Variants in DENND2B observed in about 807,000 individuals in gnomAD.
DENND2B encodes the protein DENN domain-containing protein 2B.
A neutral mutation model predicts 116.0 loss-of-function variants in DENND2B; 32 were observed. The ratio of observed to expected loss-of-function variants is 0.28; its 90% CI spans 0.21 to 0.37. The LOEUF is 0.37. Among genes scored for constraint, DENND2B ranks in the 10% least tolerant of loss-of-function variants. The probability of loss-of-function intolerance (pLI) is 1.00; values close to 1 mark genes in which losing one functional copy is unlikely to be tolerated. For synonymous variants in DENND2B, 588 were observed against 583.9 expected, an observed-to-expected ratio of 1.01 and a Z score of -0.10; for missense variants, 1,276 against 1,477.7, an observed-to-expected ratio of 0.86 and a Z score of 2.24.
At chr11:8,895,571 G>A (rs1434062414) in intron 1 of DENND2B, 3 of 152,136 alleles carry the variant, frequency 2.0e-5, no homozygotes, top group African/African-American at 7.2e-5. Flanking sequence ...CAGATTGGTG[G>A]CTTCCAGGGG....
chr11:8,851,285 G>A (rs995514257), intron 3 of DENND2B, among the ~76,000 whole-genome samples: 3 of 151,648 alleles, frequency 2.0e-5, no homozygotes, highest in Admixed American at 2.0e-4. Flanking sequence ...ACAGCACATT[G>A]TACATCATAA....
At chr11:8,873,278 T>A (rs988759972), upstream of DENND2B, among the ~76,000 whole-genome samples, 4 of 152,236 alleles carry the variant, frequency 2.6e-5, no homozygotes, top group African/African-American at 9.6e-5. Flanking sequence ...CATTGGCAGC[T>A]GCTGCTGCTG....
chr11:8,731,540 T>C (rs1340134504), intron 2 of DENND2B, among the ~76,000 whole-genome samples: 2 of 152,262 alleles, frequency 1.3e-5, no homozygotes, highest in Admixed American at 1.3e-4. Context: ...CCCAGTGGTG[T>C]GCTGCCACAT....
rs77931169 is a variant in DENND2B, at chr11:8,805,027, T to C, written c.-26+5490A>G. ...TTACAGGTATCATTTCATTTAATCC[T>C]TACCACAACTCTATCAAGTCAAGTA... On this transcript the variant is annotated intron_variant, in intron 1 of 19. Coordinates refer to ENST00000313726, the MANE Select transcript of DENND2B (RefSeq NM_213618.2). Among the ~76,000 whole-genome samples, 1,186 of 152,332 alleles carry C rather than the reference T, an allele frequency of 7.8e-3. 9 individuals are homozygous for C. The highest frequency in any genetic ancestry group is 0.031 in the Middle Eastern group (9 of 294).
chr11:8,717,880 T>C lies in DENND2B; in HGVS notation c.1490A>G (p.Lys497Arg). 1.2e-6 allele frequency: 2 copies of C among 1,610,374 alleles called. No homozygotes were observed. The highest frequency in any genetic ancestry group is 2.2e-5 in the South Asian group (2 of 90,850). ...GTCCACATCCTCATATGGATTCTCC[T>C]TGGGCAGATCTCCTGCAGAGGAGGA... The part of the protein sequence containing the change: ...AYEDIVGDLP[K>R]ENPYEDVDLK... The change falls in exon 5 of 20, where the codon AAG becomes AGG. Residue 497 changes from lysine to arginine, a missense_variant. By Grantham distance (26) the Lys-to-Arg change is conservative (BLOSUM62 2). Coordinates refer to ENST00000313726, the MANE Select transcript of DENND2B (RefSeq NM_213618.2).
At chr11:8,820,218 A>T (rs1404792108) in intron 4 of DENND2B, among the ~76,000 whole-genome samples, 1 of 152,198 alleles carries the variant, frequency 6.6e-6, no homozygotes, top group Non-Finnish European at 1.5e-5. Flanking sequence ...AAAATTAATA[A>T]ATCATCCCTT....
At chr11:8,862,321 T>C (rs2063420501) in intron 2 of DENND2B, among the ~76,000 whole-genome samples, 1 of 115,604 alleles carries the variant, frequency 8.7e-6, no homozygotes, top group Non-Finnish European at 1.8e-5. Flanking sequence ...ACTTTTTCAC[T>C]CTTTTTTTTT....
chr11:8,700,069 G>C (rs6483729), intron 14 of DENND2B: 31 of 451,744 alleles, frequency 6.9e-5, no homozygotes, highest in Non-Finnish European at 8.9e-5. Context: ...TGGCCTGGGG[G>C]GGGGCAGGGT....
upstream of DENND2B, among the ~76,000 whole-genome samples, chr11:8,873,206 A>T (rs2063809651): frequency 1.3e-5 from 2 of 152,252 alleles, no homozygotes; most frequent in South Asian, 4.1e-4. Context: ...CTAAGGAAAG[A>T]CAACTCAACA....
chr11:8,772,575 T>C (rs1189527812), intron 1 of DENND2B, among the ~76,000 whole-genome samples: 1 of 152,102 alleles, frequency 6.6e-6, no homozygotes, highest in Non-Finnish European at 1.5e-5. Context: ...AGTAGCAATA[T>C]ATCATACTAA....
At chr11:8,907,889 CA>C (rs1371595008) in intron 1 of DENND2B, among the ~76,000 whole-genome samples, 5 of 152,012 alleles carry the variant, frequency 3.3e-5, no homozygotes, top group Non-Finnish European at 5.9e-5. Flanking sequence ...AAAATAGAGA[CA>C]GGGGTCTCAC....
At chr11:8,695,773 A>T in intron 18 of DENND2B, 2 of 565,464 alleles carry the variant, frequency 3.5e-6, no homozygotes, top group Non-Finnish European at 6.3e-6. Flanking sequence ...CTCCCCATGC[A>T]CATTCCCAAG....
At chr11:8,728,178 A>AT (rs1221209808) in intron 3 of DENND2B, among the ~76,000 whole-genome samples, 2 of 151,934 alleles carry the variant, frequency 1.3e-5, no homozygotes, top group Non-Finnish European at 2.9e-5. Context: ...AATTTTTTAA[A>AT]TTTTTTGTAG....
chr11:8,694,546 C>T (rs1332705629), intron 19 of DENND2B: 1 of 459,178 alleles, frequency 2.2e-6, no homozygotes, highest in Non-Finnish European at 4.4e-6. Flanking sequence ...AACAGAAAGA[C>T]CTGATGTATG....
chr11:8,815,064 C>A (rs996400342), upstream of DENND2B, among the ~76,000 whole-genome samples: 7 of 152,198 alleles, frequency 4.6e-5, no homozygotes, highest in African/African-American at 1.7e-4. Context: ...ATTACCAGTG[C>A]CCACTCACAG....
chr11:8,763,510 G>A (rs1593313704), intron 1 of DENND2B, among the ~76,000 whole-genome samples: 1 of 151,762 alleles, frequency 6.6e-6, no homozygotes, highest in South Asian at 2.1e-4. Context: ...AAGAAGAGAA[G>A]GCAAATTTTG....
chr11:8,908,662 T>C (rs1210138257), intron 1 of DENND2B, among the ~76,000 whole-genome samples: 1 of 148,574 alleles, frequency 6.7e-6, no homozygotes, highest in Non-Finnish European at 1.5e-5. Flanking sequence ...CAGGCCTAGC[T>C]TGAAAACTAC....
chr11:8,767,593 C>CA (rs1349836814), intron 1 of DENND2B, among the ~76,000 whole-genome samples: 3 of 152,066 alleles, frequency 2.0e-5, no homozygotes, highest in Non-Finnish European at 1.5e-5. Flanking sequence ...TAATATTCGT[C>CA]AAAAAAATGA....
chr11:8,702,989 G>A lies in DENND2B; in HGVS notation c.2572-269C>T, dbSNP rs377417128. 19 of 457,902 alleles carry A rather than the reference G, an allele frequency of 4.1e-5. No individual in the cohort carries two copies. The highest frequency in any genetic ancestry group is 5.9e-4 in the Middle Eastern group (1 of 1,702). 28.4% of individuals were successfully genotyped at this position (457,902 alleles called of 1,614,324 possible). A position where few individuals can be genotyped will look rare whatever the true frequency, so the allele number is the denominator to read the frequency against. On this transcript the variant is annotated intron_variant, in intron 13 of 19. Coordinates refer to ENST00000313726, the MANE Select transcript of DENND2B (RefSeq NM_213618.2). This position sits in a 1 kb window ranked among gnomAD's most constrained non-coding sequence, Gnocchi z 4.6. ...GGAAGGAGTTGAGGGGCCATCCATC[G>A]GGACCTCAGGAAGAGAGGAGAGCTG...
Sources: gnomAD v4.1 joint callset for allele counts (sites outside exome capture counted in the v4.1 genomes callset) on GRCh38, gnomAD v4.1.1 for gene constraint, Gnocchi (gnomAD v3.1) non-coding constraint, MANE v1.5 for transcripts, NCBI Gene and HGNC (gene_info 2026-07-23, HGNC 2026-07-21) for gene names.